SIPA1L3: variants seen among roughly 807,000 people sequenced by gnomAD.
SIPA1L3 encodes the protein signal induced proliferation associated 1 like 3.
Under a neutral mutation model 150.1 loss-of-function variants are expected in SIPA1L3, and 59 were observed. The ratio of observed to expected loss-of-function variants is 0.39; its 90% CI spans 0.32 to 0.49. The LOEUF is 0.49. Among genes scored for constraint, SIPA1L3 ranks in the 20% least tolerant of loss-of-function variants. The probability of loss-of-function intolerance (pLI) is 0.86; values close to 1 mark genes in which losing one functional copy is unlikely to be tolerated. For missense variants in SIPA1L3, 2,211 were observed against 2,489.5 expected (o/e 0.89, Z 2.38); for synonymous variants, 1,070 against 1,077.6 (o/e 0.99, Z 0.14).
At chr19:38,194,715 ACT>A (rs1207067335) in intron 18 of SIPA1L3, among the ~76,000 whole-genome samples, 7 of 151,216 alleles carry the variant, frequency 4.6e-5, no homozygotes, top group African/African-American at 1.7e-4. Context: ...GGTGGAGGAG[ACT>A]CTGGGAATTT....
intron 3 of SIPA1L3, among the ~76,000 whole-genome samples, chr19:38,085,488 A>G (rs914895199): frequency 1.3e-5 from 2 of 151,998 alleles, no homozygotes; most frequent in African/African-American, 4.8e-5. Context: ...TCAAAAAAAA[A>G]AAAAAAAAAA....
intron 3 of SIPA1L3, among the ~76,000 whole-genome samples, chr19:38,084,776 A>C (rs1970089465): frequency 6.6e-6 from 1 of 151,170 alleles, no homozygotes; most frequent in South Asian, 2.1e-4. Flanking sequence ...AGTAGCTGGG[A>C]TTACAGGCGC....
At chr19:38,077,027 G>A (rs1285703946) in intron 2 of SIPA1L3, among the ~76,000 whole-genome samples, 1 of 152,166 alleles carries the variant, frequency 6.6e-6, no homozygotes, top group Non-Finnish European at 1.5e-5. Context: ...CTCAAGCTGG[G>A]GAATTTAATG....
chr19:38,152,483 G>T (rs906361031), intron 12 of SIPA1L3, among the ~76,000 whole-genome samples: 2 of 152,212 alleles, frequency 1.3e-5, no homozygotes, highest in Non-Finnish European at 2.9e-5. Flanking sequence ...TGGGGCAGTA[G>T]CTGCTGGGGA....
rs142883118 is a variant in SIPA1L3 at position 38,000,037 on chromosome 19, G to A, written c.-378-29052G>A. Among the ~76,000 whole-genome samples the A allele has an allele frequency of 1.0e-3, 159 of 152,300 alleles. 2 individuals are homozygous for A. The East Asian group carries it at 0.019, about 19-fold the overall frequency. ...GTAAAATGATGATAGTACCTGCCTCGTAGGATTTAAGGATTAAATTAGATA... is the reference window on the plus strand; with the variant it reads ...GTAAAATGATGATAGTACCTGCCTCATAGGATTTAAGGATTAAATTAGATA... On this transcript the variant is annotated intron_variant, in intron 1 of 21. Transcript: ENST00000222345.
chr19:37,921,320 G>A (rs914305536), intron 1 of SIPA1L3, among the ~76,000 whole-genome samples: 2 of 152,162 alleles, frequency 1.3e-5, no homozygotes, highest in East Asian at 3.9e-4. Flanking sequence ...ATTCTTATGC[G>A]GAAGTGGCAG....
At chr19:38,147,130 C>T (rs1179666921) in intron 12 of SIPA1L3, among the ~76,000 whole-genome samples, 3 of 152,084 alleles carry the variant, frequency 2.0e-5, no homozygotes, top group South Asian at 2.1e-4. Context: ...GGTGTCATCT[C>T]GGCTCCCTGC....
intron 4 of SIPA1L3, among the ~76,000 whole-genome samples, chr19:38,099,198 G>C (rs1222060387): frequency 2.6e-5 from 4 of 152,030 alleles, no homozygotes; most frequent in Non-Finnish European, 5.9e-5. Flanking sequence ...ACCATGCCTG[G>C]CTAATTTTTA....
At chr19:37,912,851 C>T (rs2046387606) in intron 1 of SIPA1L3, among the ~76,000 whole-genome samples, 1 of 152,306 alleles carries the variant, frequency 6.6e-6, no homozygotes, top group Admixed American at 6.5e-5. Flanking sequence ...TTGCAGGGAT[C>T]CCGCTTGGAG....
intron 2 of SIPA1L3, among the ~76,000 whole-genome samples, chr19:38,059,824 TGGA>T (rs1430758789): frequency 2.6e-5 from 4 of 152,068 alleles, no homozygotes; most frequent in Non-Finnish European, 5.9e-5. Flanking sequence ...TCACCCAGGC[TGGA>T]GTGCAGTAGT....
chr19:37,959,419 A>C (rs1345499565), intron 1 of SIPA1L3, among the ~76,000 whole-genome samples: 3 of 152,228 alleles, frequency 2.0e-5, no homozygotes, highest in Non-Finnish European at 2.9e-5. Flanking sequence ...AACCAGACCC[A>C]AAAGAGCACA....
At chr19:38,142,287 C>T (rs1349114086) in intron 11 of SIPA1L3, among the ~76,000 whole-genome samples, 1 of 152,294 alleles carries the variant, frequency 6.6e-6, no homozygotes, top group East Asian at 1.9e-4. Context: ...GGGGCAGAGG[C>T]GAGAATGGTC....
At chr19:37,918,130 C>T (rs1211368276) in intron 1 of SIPA1L3, among the ~76,000 whole-genome samples, 1 of 152,054 alleles carries the variant, frequency 6.6e-6, no homozygotes, top group Non-Finnish European at 1.5e-5. Context: ...TTTGCTGGAA[C>T]CTGGAACCTT....
intron 10 of SIPA1L3, among the ~76,000 whole-genome samples, chr19:38,132,905 C>T (rs1281221163): frequency 6.6e-6 from 1 of 152,152 alleles, no homozygotes. Flanking sequence ...ACCTCAGCCA[C>T]CCAAAGTGCT....
chr19:38,056,044 C>T (rs1019806448), intron 2 of SIPA1L3, among the ~76,000 whole-genome samples: 2 of 152,244 alleles, frequency 1.3e-5, no homozygotes, highest in Non-Finnish European at 2.9e-5. Context: ...AGTGTGGGGG[C>T]TGAGAGTGGG....
intron 10 of SIPA1L3, among the ~76,000 whole-genome samples, chr19:38,132,672 G>GTTTTTTTTT: frequency 6.7e-6 from 1 of 148,604 alleles, no homozygotes; most frequent in Non-Finnish European, 1.5e-5. Flanking sequence ...CTTTGAGACA[G>GTTTTTTTTT]AGTCTTGCTC....
At chr19:38,022,077 G>A (rs1968383723) in intron 1 of SIPA1L3, among the ~76,000 whole-genome samples, 1 of 152,218 alleles carries the variant, frequency 6.6e-6, no homozygotes, top group Non-Finnish European at 1.5e-5. Flanking sequence ...GCATTTAGTA[G>A]GCACCATTGT....
At chr19:38,000,801 T>C (rs1177246064) in intron 1 of SIPA1L3, among the ~76,000 whole-genome samples, 2 of 148,812 alleles carry the variant, frequency 1.3e-5, no homozygotes, top group Non-Finnish European at 3.0e-5. Context: ...ACCAATGTCT[T>C]AACAGTGGTT....
At chr19:38,079,224 T>C (rs1969922383) in intron 2 of SIPA1L3, among the ~76,000 whole-genome samples, 1 of 152,122 alleles carries the variant, frequency 6.6e-6, no homozygotes, top group African/African-American at 2.4e-5. Context: ...TCCCAGCTAC[T>C]CAGGAGGCTG....
Sources: allele counts gnomAD v4.1 joint callset (sites outside exome capture counted in the v4.1 genomes callset), GRCh38; gene constraint gnomAD v4.1.1; transcripts MANE v1.5; gene names NCBI Gene and HGNC (gene_info 2026-07-23, HGNC 2026-07-21).